CD247: variants seen among roughly 807,000 people sequenced by gnomAD.
CD247 encodes the protein CD247 molecule.
In CD247, 13 loss-of-function variants were observed where a neutral mutation model predicts 30.0. That is an observed-to-expected ratio of 0.43 (90% CI 0.28 to 0.69). CD247 has a LOEUF of 0.69. Ranked by LOEUF, CD247 falls within the 30% of genes least tolerant of loss-of-function variation. The pLI is 0.16. For synonymous variants in CD247, 72 were observed against 80.0 expected, an observed-to-expected ratio of 0.90 and a Z score of 0.53; for missense variants, 193 against 212.6, an observed-to-expected ratio of 0.91 and a Z score of 0.57.
chr1:167,478,495 G>A (rs1391831900), intron 1 of CD247, among the ~76,000 whole-genome samples: 2 of 152,190 alleles, frequency 1.3e-5, no homozygotes, highest in Admixed American at 6.5e-5. Context: ...TTGGTGGGGG[G>A]CTTCGAGGGT....
chr1:167,511,813 C>G (rs1332512458), intron 1 of CD247, among the ~76,000 whole-genome samples: 1 of 151,978 alleles, frequency 6.6e-6, no homozygotes, highest in African/African-American at 2.4e-5. Flanking sequence ...AGGCCTGGTT[C>G]TACTCGTAGG....
chr1:167,489,039 A>AGC (rs1222424240), intron 1 of CD247, among the ~76,000 whole-genome samples: 2 of 152,182 alleles, frequency 1.3e-5, no homozygotes, highest in African/African-American at 2.4e-5. Context: ...CTTGAAAGGC[A>AGC]GCGCCGAGAA....
At chr1:167,490,921 A>C (rs1025757353) in intron 1 of CD247, among the ~76,000 whole-genome samples, 6 of 152,022 alleles carry the variant, frequency 3.9e-5, no homozygotes, top group Non-Finnish European at 8.8e-5. Context: ...CTGGGTTGAC[A>C]GAGCAAGACT....
intron 1 of CD247, among the ~76,000 whole-genome samples, chr1:167,501,285 C>T (rs1463698133): frequency 1.3e-5 from 2 of 152,026 alleles, no homozygotes; most frequent in African/African-American, 4.8e-5. Flanking sequence ...TCTCAAACTC[C>T]CGACCTCGGG....
intron 1 of CD247, among the ~76,000 whole-genome samples, chr1:167,470,225 C>T (rs1653449800): frequency 6.6e-6 from 1 of 152,054 alleles, no homozygotes; most frequent in South Asian, 2.1e-4. Context: ...TTTCTCAGTA[C>T]TTTAAAATAT....
chr1:167,513,932 C>G (rs1655495019), intron 1 of CD247, among the ~76,000 whole-genome samples: 1 of 152,158 alleles, frequency 6.6e-6, no homozygotes, highest in African/African-American at 2.4e-5. Context: ...ACTGCCCTGT[C>G]CCCTCCACTG....
At chr1:167,480,304 A>G (rs1267863075) in intron 1 of CD247, among the ~76,000 whole-genome samples, 2 of 152,256 alleles carry the variant, frequency 1.3e-5, no homozygotes, top group Admixed American at 1.3e-4. Context: ...TGGAATAAAA[A>G]TAAAAAGAAT....
chr1:167,495,524 T>C (rs1220054823), intron 1 of CD247, among the ~76,000 whole-genome samples: 1 of 152,186 alleles, frequency 6.6e-6, no homozygotes, highest in Non-Finnish European at 1.5e-5. Flanking sequence ...TCTGCCCTTA[T>C]TCCCCCTCAG....
chr1:167,432,677 A>G (rs1340082477), intron 7 of CD247, among the ~76,000 whole-genome samples: 1 of 152,210 alleles, frequency 6.6e-6, no homozygotes, highest in Non-Finnish European at 1.5e-5. Context: ...ATGCAGAGTG[A>G]GGGTTCTACA....
At chr1:167,445,386 A>G (rs1213395533) in intron 1 of CD247, among the ~76,000 whole-genome samples, 1 of 152,150 alleles carries the variant, frequency 6.6e-6, no homozygotes, top group African/African-American at 2.4e-5. Context: ...CCCTGTAGCA[A>G]GATCCCAGGA....
chr1:167,451,194 G>C (rs990724455), intron 1 of CD247, among the ~76,000 whole-genome samples: 2 of 152,160 alleles, frequency 1.3e-5, no homozygotes, highest in Non-Finnish European at 2.9e-5. Flanking sequence ...AGCGTGTGGG[G>C]TTGTTAGGTA....
At chr1:167,481,268 CAG>C (rs1156713289) in intron 1 of CD247, among the ~76,000 whole-genome samples, 1 of 152,188 alleles carries the variant, frequency 6.6e-6, no homozygotes, top group Non-Finnish European at 1.5e-5. Flanking sequence ...GGCTGGGCAA[CAG>C]AGAGAGACTC....
At chr1:167,479,473 G>A (rs936048414) in intron 1 of CD247, among the ~76,000 whole-genome samples, 4 of 152,296 alleles carry the variant, frequency 2.6e-5, no homozygotes, top group African/African-American at 7.2e-5. Flanking sequence ...CAATGGTGGC[G>A]ATTACATGAT....
intron 1 of CD247, among the ~76,000 whole-genome samples, chr1:167,467,757 A>T (rs182099253): frequency 8.0e-4 from 122 of 152,246 alleles, no homozygotes; most frequent in Non-Finnish European, 6.0e-4. Flanking sequence ...GAACCCCAGC[A>T]CAGTTTGCTC....
intron 1 of CD247, among the ~76,000 whole-genome samples, chr1:167,447,365 C>G (rs1288404612): frequency 6.6e-6 from 1 of 152,056 alleles, no homozygotes; most frequent in Non-Finnish European, 1.5e-5. Flanking sequence ...TCAGGAGTTT[C>G]TTCTTTGGTA....
In CD247 at chr1:167,439,330, C is replaced by A. The variant is rs779142325; in HGVS notation, c.219+14G>T. On this transcript the variant is annotated intron_variant, in intron 3 of 7. Coordinates refer to ENST00000362089, the MANE Select transcript of CD247 (RefSeq NM_198053.3). ...CCCTTCCTTTCCGGAGGGTCTACGGCGAGGCTGACTTACGTTATAGAGCTG... is the reference window on the plus strand; with the variant it reads ...CCCTTCCTTTCCGGAGGGTCTACGGAGAGGCTGACTTACGTTATAGAGCTG... The A allele has an allele frequency of 6.2e-7, 1 of 1,613,196 alleles. No individual in the cohort carries two copies. Among genetic ancestry groups the A allele is most frequent in the South Asian group, 1.1e-5 (1 of 91,068 alleles).
intron 2 of CD247, chr1:167,440,194 G>T: frequency 4.4e-6 from 1 of 226,618 alleles, no homozygotes; most frequent in Non-Finnish European, 8.8e-6. Flanking sequence ...TCCAATCTCT[G>T]CCCACACCAT....
chr1:167,506,291 TTTC>T (rs1249736038), intron 1 of CD247, among the ~76,000 whole-genome samples: 5 of 139,270 alleles, frequency 3.6e-5, no homozygotes, highest in African/African-American at 1.1e-4. Flanking sequence ...TCTTTTCTTT[TTTC>T]TTTTCTTTTC....
At chr1:167,441,887 T>G (rs1404644590) in intron 1 of CD247, among the ~76,000 whole-genome samples, 2 of 152,176 alleles carry the variant, frequency 1.3e-5, no homozygotes, top group Non-Finnish European at 1.5e-5. Context: ...GACATGGGTG[T>G]ATCACTTGAG....
Sources: allele counts gnomAD v4.1 joint callset (sites outside exome capture counted in the v4.1 genomes callset), GRCh38; gene constraint gnomAD v4.1.1; transcripts MANE v1.5; gene names NCBI Gene and HGNC (gene_info 2026-07-23, HGNC 2026-07-21).